ANKS3: variants seen among roughly 807,000 people sequenced by gnomAD.
ANKS3 encodes the protein ankyrin repeat and SAM domain-containing protein 3.
ANKS3 carries 62 observed loss-of-function variants against 80.7 expected under a neutral mutation model. The observed-to-expected ratio is 0.77, with a 90% CI of 0.63 to 0.95. The LOEUF (loss-of-function observed/expected upper bound fraction) is 0.95, where lower values mean the gene tolerates loss of function less well. Among genes scored for constraint, ANKS3 ranks in the 40% least tolerant of loss-of-function variants. The probability of loss-of-function intolerance (pLI) is 0.00; values close to 1 mark genes in which losing one functional copy is unlikely to be tolerated. For missense variants in ANKS3, 1,150 were observed against 883.6 expected (o/e 1.30, Z -3.82); for synonymous variants, 489 against 355.3 (o/e 1.38, Z -4.23).
chr16:4,701,682 C>A (rs1012482226), intron 9 of ANKS3, 139 bp from the exon 10 acceptor site: 5 of 698,214 alleles, frequency 7.2e-6, no homozygotes, highest in Non-Finnish European at 1.2e-5. Flanking sequence ...AAACTTCCTG[C>A]CTGTCCTAAA....
At chr16:4,713,978 T>C in intron 7 of ANKS3, 73 bp downstream of exon 7, 1 of 1,567,094 alleles carries the variant, frequency 6.4e-7, no homozygotes. Flanking sequence ...GGGGGACATC[T>C]TTCTCTGCCA....
intron 5 of ANKS3, among the ~76,000 whole-genome samples, chr16:4,725,894 A>C (rs1185528588): frequency 6.6e-6 from 1 of 150,430 alleles, no homozygotes; most frequent in Non-Finnish European, 1.5e-5. Context: ...TCCTGACCTC[A>C]TGATCTGCCC....
At chr16:4,721,642 ATTTAT>A (rs1261682515) in intron 6 of ANKS3, among the ~76,000 whole-genome samples, 4 of 149,864 alleles carry the variant, frequency 2.7e-5, no homozygotes, top group Non-Finnish European at 5.9e-5. Context: ...TTATTTATTT[ATTTAT>A]TTATTTATTT....
chr16:4,706,585 A>T (rs2080209667), intron 7 of ANKS3, among the ~76,000 whole-genome samples: 1 of 152,200 alleles, frequency 6.6e-6, no homozygotes, highest in Admixed American at 6.5e-5. Context: ...ATGATTATAA[A>T]CTGTTTCAAA....
At chr16:4,704,975 C>T in intron 8 of ANKS3, 120 bp downstream of exon 8, 2 of 1,352,020 alleles carry the variant, frequency 1.5e-6, no homozygotes, top group Non-Finnish European at 1.0e-6. Context: ...GCCACCTGTC[C>T]CGCTGCCACC....
At position 4,711,630 on chromosome 16, in the gene ANKS3, A is replaced by G. The variant is rs1394705325; in HGVS notation, c.709+2421T>C. ...CTACTTGGGACGCTGAGGCAGGAGA[A>G]TCACTTGAACCCGGGAGGCAGAGGT... On this transcript the variant is annotated intron_variant, in intron 7 of 17. Coordinates refer to ENST00000304283, the MANE Select transcript of ANKS3 (RefSeq NM_133450.4). Among the ~76,000 whole-genome samples the G allele has an allele frequency of 2.0e-5, 3 of 151,460 alleles. No homozygotes were observed. The East Asian group carries it at 6.0e-4, about 30-fold the overall frequency.
chr16:4,724,148 G>A (rs886287259), intron 6 of ANKS3, among the ~76,000 whole-genome samples: 4 of 152,124 alleles, frequency 2.6e-5, no homozygotes, highest in Non-Finnish European at 5.9e-5. Flanking sequence ...GGATATTCCC[G>A]GAACACTGTT....
intron 6 of ANKS3, among the ~76,000 whole-genome samples, chr16:4,714,855 G>A (rs1441255212): frequency 6.6e-6 from 1 of 151,894 alleles, no homozygotes; most frequent in African/African-American, 2.4e-5. Context: ...AGCCGGGCGT[G>A]GTGGTGAACG....
chr16:4,734,077 G>C lies in ANKS3; in HGVS notation c.-210C>G, dbSNP rs548382170. On this transcript the variant is annotated 5_prime_UTR_variant, in exon 1 of 18. Coordinates refer to ENST00000304283, the MANE Select transcript of ANKS3 (RefSeq NM_133450.4). ...TCCAGTCACGCGGCGAGCAAGTGCAGCGCGGGACGCCCGAGCGCCGGGTCT... is the reference window on the plus strand; with the variant it reads ...TCCAGTCACGCGGCGAGCAAGTGCACCGCGGGACGCCCGAGCGCCGGGTCT... 516 of 964,912 alleles carry C rather than the reference G, an allele frequency of 5.3e-4. 3 individuals are homozygous for C. The African/African-American group carries it at 8.7e-3, about 16-fold the overall frequency. 59.8% of individuals were successfully genotyped at this position (964,912 alleles called of 1,614,324 possible).
chr16:4,725,817 G>A (rs1214458058), intron 5 of ANKS3, among the ~76,000 whole-genome samples: 5 of 151,846 alleles, frequency 3.3e-5, no homozygotes, highest in Admixed American at 1.3e-4. Context: ...CTGCCACCAC[G>A]CCCAGCTAAT....
chr16:4,696,899 G>C lies in ANKS3; in HGVS notation c.*12-3C>G. 1.0e-6 allele frequency: 1 copy of C among 953,782 alleles called. No individual in the cohort carries two copies. The highest frequency in any genetic ancestry group is 1.6e-6 in the Non-Finnish European group (1 of 622,910). The allele number at this position is 953,782 out of a possible 1,614,324, so 59.1% of individuals were successfully genotyped here. A position where few individuals can be genotyped will look rare whatever the true frequency, so the allele number is the denominator to read the frequency against. ...GACCAATCACCCAACGTCAGATTCT[G>C]AAAGAAAAAGCCCCGGTGAGAAGGG... On this transcript the variant is annotated splice_polypyrimidine_tract_variant and splice_region_variant and intron_variant, in intron 17 of 17. Transcript: ENST00000304283.
intron 5 of ANKS3, 124 bp downstream of exon 5, chr16:4,726,535 T>C (rs940291431): frequency 9.9e-7 from 1 of 1,013,140 alleles, no homozygotes; most frequent in East Asian, 2.5e-5. Flanking sequence ...CTACCCCTCA[T>C]CTTGAGCCTC....
chr16:4,731,615 T>C (rs868636782), intron 1 of ANKS3, 36 bp from the exon 2 acceptor site: 1 of 913,960 alleles, frequency 1.1e-6, no homozygotes, highest in African/African-American at 1.8e-5. Flanking sequence ...TTTTCTGGAA[T>C]GGTTATGAAA....
At chr16:4,710,390 T>C (rs914926540) in intron 7 of ANKS3, among the ~76,000 whole-genome samples, 2 of 152,170 alleles carry the variant, frequency 1.3e-5, no homozygotes, top group African/African-American at 4.8e-5. Flanking sequence ...TATGTAGTTA[T>C]TTTGTGTCAA....
At position 4,714,170 on chromosome 16, in the gene ANKS3, G is replaced by A. The variant is rs761540942; in HGVS notation, c.590C>T (p.Ala197Val). The part of the protein sequence containing the change: ...YFLNHGVKVD[A>V]RDHSGATARM... ...GGCTGTGGCTCCACTGTGGTCTCTCGCGTCCACCTTGACTCCCTGTGAATG... is the reference window on the plus strand; with the variant it reads ...GGCTGTGGCTCCACTGTGGTCTCTCACGTCCACCTTGACTCCCTGTGAATG... Residue 197 changes from alanine (A) to valine (V), a missense_variant, in exon 7 of 18, where the codon GCG (alanine) becomes GTG (valine). Ala to Val is a moderately conservative substitution (Grantham distance 64). Transcript: ENST00000304283. 8 of 1,614,090 alleles carry A rather than the reference G, an allele frequency of 5.0e-6. No individual in the cohort carries two copies. Among genetic ancestry groups the A allele is most frequent in the East Asian group, 2.2e-5 (1 of 44,882 alleles).
chr16:4,729,903 C>A (rs2081534027), intron 3 of ANKS3, 77 bp downstream of exon 3: 5 of 1,333,290 alleles, frequency 3.8e-6, no homozygotes, highest in Non-Finnish European at 4.9e-6. Context: ...CAACTGTGTG[C>A]AAAGCCCCAT....
intron 8 of ANKS3, 125 bp from the exon 9 acceptor site, chr16:4,702,367 G>A: frequency 3.0e-6 from 3 of 1,013,668 alleles, no homozygotes; most frequent in South Asian, 2.4e-5. Flanking sequence ...CCTGCGACCT[G>A]GCATGGCTCT....
At chr16:4,697,495 C>G (rs1339309702) in intron 15 of ANKS3, 79 bp from the exon 16 acceptor site, 7 of 1,185,836 alleles carry the variant, frequency 5.9e-6, no homozygotes, top group Non-Finnish European at 8.2e-6. Context: ...GCCCATGCAA[C>G]CAGGAGAACC....
chr16:4,720,074 A>G (rs1179415453), intron 6 of ANKS3, among the ~76,000 whole-genome samples: 1 of 143,396 alleles, frequency 7.0e-6, no homozygotes, highest in Non-Finnish European at 1.5e-5. Flanking sequence ...AGCCAGGCGA[A>G]TTGCTTGAGC....
Sources: gnomAD v4.1 joint callset for allele counts (sites outside exome capture counted in the v4.1 genomes callset) on GRCh38, gnomAD v4.1.1 for gene constraint, MANE v1.5 for transcripts, NCBI Gene and HGNC (gene_info 2026-07-23, HGNC 2026-07-21) for gene names.